Variants in ADGB observed in about 807,000 individuals in gnomAD.
ADGB encodes androglobin.
In ADGB, 172 loss-of-function variants were observed where a neutral mutation model predicts 210.5. That is an observed-to-expected ratio of 0.82 (90% confidence interval 0.72 to 0.93). ADGB has a LOEUF of 0.93. ADGB is among the 40% of genes least tolerant of loss of function. ADGB has a pLI of 0.00. For synonymous variants in ADGB, 658 were observed against 662.7 expected (o/e 0.99, Z 0.11); for missense variants, 2,025 against 1,964.8 (o/e 1.03, Z -0.58).
chr6:146,671,331 G>A (rs1776005840), intron 7 of ADGB, among the ~76,000 whole-genome samples: 1 of 152,130 alleles, frequency 6.6e-6, no homozygotes, highest in Non-Finnish European at 1.5e-5. Flanking sequence ...TTCTGCCAAG[G>A]AAGTGGTGAT....
intron 1 of ADGB, among the ~76,000 whole-genome samples, chr6:146,610,178 A>G (rs538800994): frequency 6.6e-6 from 1 of 152,334 alleles, no homozygotes; most frequent in Admixed American, 6.5e-5. Flanking sequence ...TGAATTTTTC[A>G]GCTCTATCAG....
At chr6:146,620,115 C>T (rs985511198) in intron 1 of ADGB, among the ~76,000 whole-genome samples, 7 of 152,118 alleles carry the variant, frequency 4.6e-5, no homozygotes, top group Non-Finnish European at 7.4e-5. Context: ...TCCTGACTTG[C>T]GGGATTTATG....
At chr6:146,669,280 C>A (rs1019184516) in intron 7 of ADGB, among the ~76,000 whole-genome samples, 1 of 152,044 alleles carries the variant, frequency 6.6e-6, no homozygotes, top group Non-Finnish European at 1.5e-5. Flanking sequence ...GGGAGTCGAG[C>A]AGATCAGAGA....
intron 12 of ADGB, among the ~76,000 whole-genome samples, chr6:146,694,468 C>T (rs1325208351): frequency 6.6e-6 from 1 of 152,104 alleles, no homozygotes; most frequent in African/African-American, 2.4e-5. Flanking sequence ...AAGGCCTCAC[C>T]TCTTAATACC....
In ADGB at chr6:146,711,378, C is replaced by T. The variant is rs529531475; in HGVS notation, c.1708-4004C>T. On this transcript the variant is annotated intron_variant, in intron 13 of 35. Transcript: ENST00000397944. ...CCTGTTGTTTTTTTTTTTTAAACCA[C>T]CCCATGCACTCCTTTGCTGTCTTGC... is the stretch of plus-strand genomic sequence containing the variant. Among the ~76,000 whole-genome samples the T allele has an allele frequency of 9.9e-5, 15 of 151,922 alleles. No individual in the cohort carries two copies. In the East Asian group the frequency reaches 2.5e-3, roughly 26 times the overall value.
In ADGB at chr6:146,733,194, A is replaced by G; in HGVS notation, c.2595A>G (p.Ala865=). The G allele has an allele frequency of 5.8e-6, 9 of 1,544,190 alleles. No homozygotes were observed. The highest frequency in any genetic ancestry group is 7.9e-6 in the Non-Finnish European group (9 of 1,142,540). Residue 865 remains alanine, a synonymous_variant, in exon 21 of 36, where the codon GCA becomes GCG. Transcript: ENST00000397944. ...ITKPPPNFKF[A]FRAMVLDLEL... ...AACCTCCTCCAAACTTCAAATTTGCATTCCGGGCTATGGTTTTGGACTTGG... is the reference window on the plus strand; with the variant it reads ...AACCTCCTCCAAACTTCAAATTTGCGTTCCGGGCTATGGTTTTGGACTTGG...
rs373118414 is a variant in ADGB, at chr6:146,656,915, G to A, written c.547G>A (p.Ala183Thr). Residue 183 changes from alanine (A) to threonine (T), a missense_variant, in exon 5 of 36, where the codon GCT becomes ACT. Coordinates refer to ENST00000397944, the MANE Select transcript of ADGB (RefSeq NM_024694.4). ...PWEHIYSLCKAVKGHMPLFNS... is the reference protein window; with the variant it reads ...PWEHIYSLCKTVKGHMPLFNS... Reference sequence around the variant, plus strand: ...GGAACACATATACTCTCTGTGCAAGGCTGTGAAGGGTCATATGCCTTTGTT... The same window carrying A: ...GGAACACATATACTCTCTGTGCAAGACTGTGAAGGGTCATATGCCTTTGTT... The A allele has an allele frequency of 6.4e-7, 1 of 1,551,610 alleles. No homozygotes were observed. Among genetic ancestry groups the A allele is most frequent in the Non-Finnish European group, 8.7e-7 (1 of 1,146,898 alleles).
At chr6:146,784,323 T>A (rs1231980220) in intron 30 of ADGB, among the ~76,000 whole-genome samples, 1 of 152,164 alleles carries the variant, frequency 6.6e-6, no homozygotes, top group Non-Finnish European at 1.5e-5. Context: ...AAGTATAATA[T>A]CTGTCTGTGG....
At chr6:146,697,007 G>T (rs2114538986) in intron 12 of ADGB, among the ~76,000 whole-genome samples, 1 of 152,074 alleles carries the variant, frequency 6.6e-6, no homozygotes, top group East Asian at 1.9e-4. Flanking sequence ...TAAATTACAA[G>T]ATTAAATGAT....
At chr6:146,742,502 GCAGTTATCTATATT>G (rs997290875) in intron 25 of ADGB, among the ~76,000 whole-genome samples, 1 of 151,746 alleles carries the variant, frequency 6.6e-6, no homozygotes, top group Admixed American at 6.6e-5. Flanking sequence ...GTATTTTTGT[GCAGTTATCTATATT>G]TGGAATTATA....
At chr6:146,671,936 C>G (rs560083877) in intron 7 of ADGB, among the ~76,000 whole-genome samples, 59 of 152,242 alleles carry the variant, frequency 3.9e-4, no homozygotes, top group Non-Finnish European at 6.2e-4. Flanking sequence ...CTTTCCCTGT[C>G]CTGGCTGTTA....
intron 21 of ADGB, 110 bp downstream of exon 21, chr6:146,733,365 A>T: frequency 1.8e-6 from 2 of 1,122,408 alleles, no homozygotes; most frequent in Non-Finnish European, 2.4e-6. Flanking sequence ...GTGGACTGTC[A>T]TGGAGTTCAA....
At chr6:146,813,551 G>C (rs756492941) in intron 35 of ADGB, among the ~76,000 whole-genome samples, 1 of 152,144 alleles carries the variant, frequency 6.6e-6, no homozygotes, top group African/African-American at 2.4e-5. Context: ...TTCTCTGCTA[G>C]AATATAGACT....
chr6:146,629,489 C>T (rs1781028097), intron 1 of ADGB, among the ~76,000 whole-genome samples: 1 of 152,128 alleles, frequency 6.6e-6, no homozygotes. Flanking sequence ...AGAGATAAAG[C>T]TTAATAGCTT....
chr6:146,717,522 T>A lies in ADGB; in HGVS notation c.1929-14T>A. On this transcript the variant is annotated splice_polypyrimidine_tract_variant and intron_variant, in intron 15 of 35. Coordinates refer to ENST00000397944, the MANE Select transcript of ADGB (RefSeq NM_024694.4). ...TATAATGACAATAACCTGTTAAAAA[T>A]GTCTTTCTTTCAGAAATATATATAT... The A allele has an allele frequency of 7.5e-7, 1 of 1,327,770 alleles. No homozygotes were observed. Among genetic ancestry groups the A allele is most frequent in the Non-Finnish European group, 1.0e-6 (1 of 968,096 alleles). 82.2% of individuals were successfully genotyped at this position (1,327,770 alleles called of 1,614,324 possible). A position where few individuals can be genotyped will look rare whatever the true frequency, so the allele number is the denominator to read the frequency against.
At position 146,773,511 on chromosome 6, in the gene ADGB, A is replaced by G. The variant is rs1777683369; in HGVS notation, c.3862+4380A>G. Among the ~76,000 whole-genome samples the G allele has an allele frequency of 2.0e-5, 3 of 152,190 alleles. No homozygotes were observed. In the South Asian group the frequency reaches 6.2e-4, roughly 32 times the overall value. ...AGAGACCTAGAAGTTTAATCACTCT[A>G]ATTATAATTGAGTGCTATTATGTCC... On this transcript the variant is annotated intron_variant, in intron 29 of 35. Transcript: ENST00000397944.
intron 10 of ADGB, among the ~76,000 whole-genome samples, chr6:146,688,850 T>C (rs1405433267): frequency 6.6e-6 from 1 of 152,124 alleles, no homozygotes; most frequent in East Asian, 1.9e-4. Context: ...ATGGAGTACA[T>C]TGCTAAAAGT....
intron 1 of ADGB, among the ~76,000 whole-genome samples, chr6:146,604,927 G>T (rs933525160): frequency 6.6e-6 from 1 of 152,128 alleles, no homozygotes; most frequent in East Asian, 1.9e-4. Flanking sequence ...ACTTCCAACT[G>T]GGGCTGGTTT....
intron 2 of ADGB, among the ~76,000 whole-genome samples, chr6:146,638,642 A>T (rs1198962842): frequency 6.7e-6 from 1 of 149,970 alleles, no homozygotes; most frequent in African/African-American, 2.4e-5. Flanking sequence ...ATTTGGAGAT[A>T]TACCTAATGT....
Sources: allele counts gnomAD v4.1 joint callset (sites outside exome capture counted in the v4.1 genomes callset), GRCh38; gene constraint gnomAD v4.1.1; transcripts MANE v1.5; gene names NCBI Gene and HGNC (gene_info 2026-07-23, HGNC 2026-07-21).